Variants in DNAI2 observed in about 807,000 individuals in gnomAD.
DNAI2 encodes dynein, axonemal, intermediate polypeptide 2.
DNAI2 carries 63 observed loss-of-function variants against 74.7 expected under a neutral mutation model. That is an observed-to-expected ratio of 0.84 (90% confidence interval 0.69 to 1.04). DNAI2 has a LOEUF of 1.04. Ranked by LOEUF, DNAI2 falls within the 50% of genes least tolerant of loss-of-function variation. The pLI is 0.00. For missense variants in DNAI2, 688 were observed against 803.2 expected (o/e 0.86, Z 1.73); for synonymous variants, 289 against 314.9 (o/e 0.92, Z 0.87).
At chr17:74,275,316 C>T (rs778368017) in intron 1 of DNAI2, among the ~76,000 whole-genome samples, 3 of 152,160 alleles carry the variant, frequency 2.0e-5, no homozygotes, top group Non-Finnish European at 4.4e-5. Flanking sequence ...CTCAGCCATG[C>T]TTAGTGCTAT....
intron 5 of DNAI2, 22 bp downstream of exon 5, chr17:74,289,758 G>C: frequency 6.2e-7 from 1 of 1,613,652 alleles, no homozygotes; most frequent in Non-Finnish European, 8.5e-7. Context: ...CGGGGTCCTG[G>C]TGGCCTGGGA....
chr17:74,293,848 A>G (rs762659186), intron 6 of DNAI2, among the ~76,000 whole-genome samples: 7 of 151,704 alleles, frequency 4.6e-5, no homozygotes, highest in Non-Finnish European at 5.9e-5. Context: ...CAGTGGCGTG[A>G]TCTCGGCTCA....
chr17:74,294,831 T>C (rs369004602), intron 6 of DNAI2, among the ~76,000 whole-genome samples: 1 of 152,208 alleles, frequency 6.6e-6, no homozygotes, highest in African/African-American at 2.4e-5. Flanking sequence ...TATTCAAATA[T>C]TCTTTCCTAC....
rs1264727730 is a variant in DNAI2 at position 74,299,786 on chromosome 17, C to T, written c.793C>T (p.Pro265Ser). 1.2e-6 allele frequency: 2 copies of T among 1,613,452 alleles called. No homozygotes were observed. Among genetic ancestry groups the T allele is most frequent in the Non-Finnish European group, 1.7e-6 (2 of 1,180,024 alleles). The change falls in exon 7 of 14, where the codon CCT becomes TCT. Residue 265 changes from proline (P) to serine (S), a missense_variant. Coordinates refer to ENST00000311014, the MANE Select transcript of DNAI2 (RefSeq NM_023036.6). ...CACCATTGAGTCCAGCCACCGAGAC[C>T]CTGTGTATGGCACCATCTGGCTGCA... ...LSTIESSHRD[P>S]VYGTIWLQSK... is the part of the protein sequence containing the mutation.
rs199965300 is a variant in DNAI2, at chr17:74,314,228, C to T, written c.*12C>T. On this transcript the variant is annotated 3_prime_UTR_variant, in exon 13 of 14. Coordinates refer to ENST00000311014, the MANE Select transcript of DNAI2 (RefSeq NM_023036.6). ...AAGACTTAGCCTAGAAGTCAGCCTT[C>T]GACTGCGGCGCTATCCCTGTGTGCC... 11 of 1,613,916 alleles carry T rather than the reference C, an allele frequency of 6.8e-6. No homozygotes were observed. Among genetic ancestry groups the T allele is most frequent in the East Asian group, 4.5e-5 (2 of 44,870 alleles).
intron 3 of DNAI2, among the ~76,000 whole-genome samples, 172 bp from the exon 4 acceptor site, chr17:74,286,805 A>G (rs555357054): frequency 3.9e-5 from 6 of 152,272 alleles, no homozygotes; most frequent in Admixed American, 3.9e-4. Flanking sequence ...CTAAAAAGCA[A>G]TATTATTTTA....
intron 8 of DNAI2, among the ~76,000 whole-genome samples, chr17:74,301,969 AGG>A (rs2052839550): frequency 2.5e-4 from 4 of 15,904 alleles, no homozygotes; most frequent in Non-Finnish European, 3.4e-4. Context: ...GAAGGAAAGA[AGG>A]AAGGAAGGAA....
chr17:74,281,972 A>C lies in DNAI2; in HGVS notation c.155A>C (p.Gln52Pro), dbSNP rs924632906. ...CGGAACCCAGTGGACACGGGCATCCAGTGCTCGATCAGCATGTCGGAACAC... is the reference window on the plus strand; with the variant it reads ...CGGAACCCAGTGGACACGGGCATCCCGTGCTCGATCAGCATGTCGGAACAC... Reference protein sequence around the residue: ...VERNPVDTGIQCSISMSEHEA... With the variant: ...VERNPVDTGIPCSISMSEHEA... Residue 52 changes from glutamine (Q) to proline (P), a missense_variant, in exon 2 of 14, where the codon CAG (glutamine) becomes CCG (proline). Coordinates refer to ENST00000311014, the MANE Select transcript of DNAI2 (RefSeq NM_023036.6). 2 of 1,614,006 alleles carry C rather than the reference A, an allele frequency of 1.2e-6. No homozygotes were observed. Among genetic ancestry groups the C allele is most frequent in the African/African-American group, 1.3e-5 (1 of 74,926 alleles).
chr17:74,282,040 G>T (rs763748297), intron 2 of DNAI2, 40 bp downstream of exon 2: 1 of 1,612,230 alleles, frequency 6.2e-7, no homozygotes, highest in Non-Finnish European at 8.5e-7. Context: ...GTCAGGTGTG[G>T]CCAGGCAGGG....
chr17:74,298,367 T>A (rs2052569892), intron 6 of DNAI2, among the ~76,000 whole-genome samples: 1 of 152,160 alleles, frequency 6.6e-6, no homozygotes, highest in African/African-American at 2.4e-5. Context: ...TGCAATGGCA[T>A]GATCTCAGCT....
rs770946088 is a variant in DNAI2, at chr17:74,289,672, C to A, written c.546C>A (p.Tyr182Ter). The change falls in exon 5 of 14, where the codon TAC becomes TAA. Residue 182 changes from tyrosine to a stop codon, truncating the protein, a stop_gained. Coordinates refer to ENST00000311014, the MANE Select transcript of DNAI2 (RefSeq NM_023036.6). LOFTEE classifies it high-confidence loss of function. ...GCAACAGGAAGTTGGCAGTGGCATACTCCTGCTTGGATTTTCAGCGGGCAC... is the reference window on the plus strand; with the variant it reads ...GCAACAGGAAGTTGGCAGTGGCATAATCCTGCTTGGATTTTCAGCGGGCAC... ...PDGNRKLAVA[Y>*]SCLDFQRAPV... is the part of the protein sequence containing the mutation. The A allele has an allele frequency of 2.9e-5, 47 of 1,614,126 alleles. No homozygotes were observed. Among genetic ancestry groups the A allele is most frequent in the South Asian group, 2.0e-4 (18 of 91,080 alleles).
At chr17:74,288,242 A>G (rs1456866823) in intron 4 of DNAI2, among the ~76,000 whole-genome samples, 1 of 152,248 alleles carries the variant, frequency 6.6e-6, no homozygotes, top group Non-Finnish European at 1.5e-5. Flanking sequence ...TTATTATAAA[A>G]TAAGCTTTGT....
intron 5 of DNAI2, 104 bp from the exon 6 acceptor site, chr17:74,290,916 T>G: frequency 1.0e-6 from 1 of 982,838 alleles, no homozygotes; most frequent in Non-Finnish European, 1.7e-6. Context: ...GGCTTCCCCC[T>G]CTGCCACCAT....
chr17:74,289,672 C>T lies in DNAI2; in HGVS notation c.546C>T (p.Tyr182=). 6.2e-7 allele frequency: 1 copy of T among 1,614,126 alleles called. No homozygotes were observed. ...PDGNRKLAVA[Y]SCLDFQRAPV... Reference sequence around the variant, plus strand: ...GCAACAGGAAGTTGGCAGTGGCATACTCCTGCTTGGATTTTCAGCGGGCAC... The same window carrying T: ...GCAACAGGAAGTTGGCAGTGGCATATTCCTGCTTGGATTTTCAGCGGGCAC... The change falls in exon 5 of 14, where the codon TAC becomes TAT. Residue 182 remains tyrosine (Y), a synonymous_variant. Coordinates refer to ENST00000311014, the MANE Select transcript of DNAI2 (RefSeq NM_023036.6).
intron 6 of DNAI2, among the ~76,000 whole-genome samples, chr17:74,294,621 TATTG>T (rs2052328507): frequency 2.0e-5 from 3 of 152,192 alleles, no homozygotes; most frequent in African/African-American, 7.2e-5. Flanking sequence ...CAACTTAAGC[TATTG>T]ATCTTATTGA....
In DNAI2 at chr17:74,285,109, G is replaced by A. The variant is rs749468635; in HGVS notation, c.253G>A (p.Val85Met). ...TGTCGAGGGGGGCTGGCCCAAGGACGTGAACCCCCTGGAGCTGGAGCAGAC... is the reference window on the plus strand; with the variant it reads ...TGTCGAGGGGGGCTGGCCCAAGGACATGAACCCCCTGGAGCTGGAGCAGAC... ...NHVEGGWPKDVNPLELEQTIR... is the reference protein window; with the variant it reads ...NHVEGGWPKDMNPLELEQTIR... The change falls in exon 3 of 14, where the codon GTG becomes ATG. Residue 85 changes from valine (V) to methionine (M), a missense_variant. By Grantham distance (21) the Val-to-Met change is conservative. Transcript: ENST00000311014. 9.3e-6 allele frequency: 15 copies of A among 1,614,228 alleles called. No individual in the cohort carries two copies. The highest frequency in any genetic ancestry group is 8.3e-5 in the Admixed American group (5 of 60,028).
chr17:74,274,496 A>G (rs1201505139), intron 1 of DNAI2, among the ~76,000 whole-genome samples, 151 bp downstream of exon 1: 1 of 151,962 alleles, frequency 6.6e-6, no homozygotes, highest in Non-Finnish European at 1.5e-5. Context: ...GGTGGCTGCC[A>G]GGACTAGCGC....
intron 1 of DNAI2, among the ~76,000 whole-genome samples, chr17:74,275,394 A>G (rs2051006281): frequency 6.6e-6 from 1 of 152,158 alleles, no homozygotes; most frequent in South Asian, 2.1e-4. Flanking sequence ...TGAGTCCCTC[A>G]GGACCCCGGA....
intron 11 of DNAI2, 48 bp from the exon 12 acceptor site, chr17:74,311,955 C>A: frequency 1.3e-6 from 2 of 1,582,122 alleles, no homozygotes; most frequent in East Asian, 2.3e-5. Context: ...GAGTCGCTTG[C>A]CATCCTGCCC....
Sources: gnomAD v4.1 joint callset for allele counts (sites outside exome capture counted in the v4.1 genomes callset) on GRCh38, gnomAD v4.1.1 for gene constraint, MANE v1.5 for transcripts, NCBI Gene and HGNC (gene_info 2026-07-23, HGNC 2026-07-21) for gene names.